PCDHGB3: variants seen among roughly 807,000 people sequenced by gnomAD.
The protein encoded by PCDHGB3 is protocadherin gamma subfamily B, 3.
PCDHGB3 carries 40 observed loss-of-function variants against 59.2 expected under a neutral mutation model. That is an observed-to-expected ratio of 0.68 (90% CI 0.52 to 0.88). The LOEUF is 0.88. Among genes scored for constraint, PCDHGB3 ranks in the 40% least tolerant of loss-of-function variants. The pLI, the probability that PCDHGB3 is intolerant of heterozygous loss-of-function variation, is 0.00. For missense variants in PCDHGB3, 1,309 were observed against 1,187.9 expected (o/e 1.10, Z -1.50); for synonymous variants, 581 against 503.6 (o/e 1.15, Z -2.06).
chr5:141,435,838 C>T (rs1037110579), intron 1 of PCDHGB3, among the ~76,000 whole-genome samples: 1 of 152,062 alleles, frequency 6.6e-6, no homozygotes, highest in Non-Finnish European at 1.5e-5. Context: ...TGCCTATCTA[C>T]TTTGAAAGAT....
At chr5:141,382,916 G>A (rs1778572994) in intron 1 of PCDHGB3, 12 of 1,554,424 alleles carry the variant, frequency 7.7e-6, no homozygotes, top group Non-Finnish European at 9.6e-6. Flanking sequence ...GCTCAGCCGA[G>A]GGGCGGGGAC....
rs2099419063 is a variant in PCDHGB3 at position 141,477,824 on chromosome 5, C to G, written c.2416-16983C>G. On this transcript the variant is annotated intron_variant, in intron 1 of 3. Coordinates refer to ENST00000576222, the MANE Select transcript of PCDHGB3 (RefSeq NM_018924.5). This position sits in a 1 kb window ranked among gnomAD's most constrained non-coding sequence, Gnocchi z 4.9. ...TGACAATGCCCCCCAGGTCCTATAT[C>G]CTCGGCCAGGTGGGAGCTCGGTGGA... is the stretch of plus-strand genomic sequence containing the variant. 5.6e-6 allele frequency: 9 copies of G among 1,614,196 alleles called. No individual in the cohort carries two copies. The highest frequency in any genetic ancestry group is 5.9e-6 in the Non-Finnish European group (7 of 1,180,034).
Position 141,404,574 on chromosome 5 carries a change from C to G in PCDHGB3, c.2415+31765C>G, listed in dbSNP as rs185791741. 3 of 1,613,908 alleles carry G rather than the reference C, an allele frequency of 1.9e-6. No individual in the cohort carries two copies. The East Asian group carries it at 6.7e-5, about 36-fold the overall frequency. The stretch of plus-strand genomic sequence containing the variant: ...ACGGCAAGTGACAGTGGAAGCCCAC[C>G]ACTTAGCAGCAATGTGTCATTGAGA... On this transcript the variant is annotated intron_variant, in intron 1 of 3. Coordinates refer to ENST00000576222, the MANE Select transcript of PCDHGB3 (RefSeq NM_018924.5).
At chr5:141,375,427 C>T in intron 1 of PCDHGB3, 2 of 1,613,978 alleles carry the variant, frequency 1.2e-6, no homozygotes, top group Non-Finnish European at 1.7e-6. Flanking sequence ...CCAACGACAA[C>T]CCGCCCACCT....
Position 141,431,740 on chromosome 5 carries a change from T to C in PCDHGB3, c.2415+58931T>C. 6.2e-7 allele frequency: 1 copy of C among 1,614,230 alleles called. No individual in the cohort carries two copies. Among genetic ancestry groups the C allele is most frequent in the South Asian group, 1.1e-5 (1 of 91,088 alleles). On this transcript the variant is annotated intron_variant, in intron 1 of 3. Transcript: ENST00000576222. This position sits in a 1 kb window ranked among gnomAD's most constrained non-coding sequence, Gnocchi z 4.8. ...TGCAAGCAATGGATAATGCAGGATA[T>C]TCTGCGCGAGCCAAAGTCCTGATCA... is the stretch of plus-strand genomic sequence containing the variant.
intron 2 of PCDHGB3, among the ~76,000 whole-genome samples, chr5:141,500,329 C>G (rs1384834356): frequency 6.6e-6 from 1 of 151,986 alleles, no homozygotes; most frequent in Non-Finnish European, 1.5e-5. Flanking sequence ...CTGCCTCAGC[C>G]TCCAGAATAG....
chr5:141,375,671 C>T (rs781705381), intron 1 of PCDHGB3: 14 of 1,614,148 alleles, frequency 8.7e-6, no homozygotes, highest in South Asian at 7.7e-5. Context: ...AGACCTACAG[C>T]TGTGGGTGAC....
rs1042973261 is a variant in PCDHGB3 at position 141,491,547 on chromosome 5, G to T, written c.2416-3260G>T. ...AGGTGACGCTGCGGCCCACAGACTC[G>T]CAGAGCCACTGCTACAGGACGTGCT... On this transcript the variant is annotated intron_variant, in intron 1 of 3. Transcript: ENST00000576222. The surrounding 1 kb of genome is among the most constrained non-coding windows in gnomAD (Gnocchi z 6.9). 6.8e-6 allele frequency: 11 copies of T among 1,613,856 alleles called. No homozygotes were observed. Among genetic ancestry groups the T allele is most frequent in the Middle Eastern group, 1.6e-4 (1 of 6,084 alleles).
intron 1 of PCDHGB3, chr5:141,374,969 G>A (rs200408172): frequency 1.2e-5 from 20 of 1,613,904 alleles, no homozygotes; most frequent in Middle Eastern, 1.6e-4. Flanking sequence ...CTGTTTGAAT[G>A]TTTTGACTGG....
At chr5:141,375,926 G>T (rs1450226627) in intron 1 of PCDHGB3, 1 of 1,613,758 alleles carries the variant, frequency 6.2e-7, no homozygotes, top group South Asian at 1.1e-5. Flanking sequence ...CAGCGAGCCA[G>T]GACTTTTCTC....
rs1041367498 is a variant in PCDHGB3 at position 141,489,060 on chromosome 5, T to G, written c.2416-5747T>G. ...CAGCTCCACTCAAATTCAGCTCCCCTCCCCCCTGCCCACCCCCGCCACTCG... is the reference window on the plus strand; with the variant it reads ...CAGCTCCACTCAAATTCAGCTCCCCGCCCCCCTGCCCACCCCCGCCACTCG... On this transcript the variant is annotated intron_variant, in intron 1 of 3. Transcript: ENST00000576222. This position sits in a 1 kb window ranked among gnomAD's most constrained non-coding sequence, Gnocchi z 4.5. The G allele has an allele frequency of 1.7e-5, 5 of 300,224 alleles. No individual in the cohort carries two copies. The highest frequency in any genetic ancestry group is 2.4e-5 in the African/African-American group (1 of 42,484). The allele number at this position is 300,224 out of a possible 1,614,324, so 18.6% of individuals were successfully genotyped here.
chr5:141,371,123 TC>T lies in PCDHGB3; in HGVS notation c.730del (p.Gln244ArgfsTer19). The T allele has an allele frequency of 6.2e-7, 1 of 1,613,954 alleles. No homozygotes were observed. Among genetic ancestry groups the T allele is most frequent in the Non-Finnish European group, 8.5e-7 (1 of 1,179,884 alleles). On this transcript the variant is annotated frameshift_variant, in exon 1 of 4. Transcript: ENST00000576222. LOFTEE classifies it high-confidence loss of function. ...DANDNPPVFTQDMYRVNVAEN... is the reference protein window; with the variant it reads ...DANDNPPVFTXDMYRVNVAEN... ...CAAATGATAACCCCCCAGTATTTACTCAGGACATGTACAGGGTCAATGTTGC... is the reference window on the plus strand; with the variant it reads ...CAAATGATAACCCCCCAGTATTTACTAGGACATGTACAGGGTCAATGTTGC...
At chr5:141,459,287 G>A (rs1362981410) in intron 1 of PCDHGB3, among the ~76,000 whole-genome samples, 1 of 152,136 alleles carries the variant, frequency 6.6e-6, no homozygotes, top group African/African-American at 2.4e-5. Context: ...TCATCTAAAT[G>A]GAATCCTATA....
intron 1 of PCDHGB3, chr5:141,391,580 C>A (rs1392857666): frequency 3.3e-5 from 5 of 152,116 alleles, no homozygotes; most frequent in South Asian, 2.1e-4. Flanking sequence ...AATATATTCA[C>A]AGGAAAATAT....
chr5:141,432,031 C>T lies in PCDHGB3; in HGVS notation c.2415+59222C>T. The T allele has an allele frequency of 6.2e-7, 1 of 1,614,220 alleles. No individual in the cohort carries two copies. Among genetic ancestry groups the T allele is most frequent in the Non-Finnish European group, 8.5e-7 (1 of 1,180,048 alleles). ...CTAGCTACAACATCACAGTGACCGC[C>T]ACTGACCGGGGAACCCCGCCCCTAT... On this transcript the variant is annotated intron_variant, in intron 1 of 3. Coordinates refer to ENST00000576222, the MANE Select transcript of PCDHGB3 (RefSeq NM_018924.5). This position sits in a 1 kb window ranked among gnomAD's most constrained non-coding sequence, Gnocchi z 6.0.
At chr5:141,413,724 C>T (rs751084568) in intron 1 of PCDHGB3, 2 of 1,613,426 alleles carry the variant, frequency 1.2e-6, no homozygotes, top group East Asian at 2.2e-5. Context: ...AGCACTTCTC[C>T]CTAAGAGTTC....
intron 1 of PCDHGB3, chr5:141,419,170 C>G: frequency 6.2e-7 from 1 of 1,613,966 alleles, no homozygotes; most frequent in South Asian, 1.1e-5. Flanking sequence ...CCAGCAAAAC[C>G]ATAACCCTGC....
intron 1 of PCDHGB3, chr5:141,423,720 A>T: frequency 3.1e-6 from 3 of 957,770 alleles, no homozygotes; most frequent in Admixed American, 5.5e-5. Context: ...TTTTAAGGAG[A>T]TGTTTTTTGA....
chr5:141,376,210 C>T lies in PCDHGB3; in HGVS notation c.2415+3401C>T, dbSNP rs112869528. On this transcript the variant is annotated intron_variant, in intron 1 of 3. Transcript: ENST00000576222. ...CCTGCGTCTTCCTGGCCTTCGTCAT[C>T]GTGCTGCTGGCGCTCAGACTGCAGC... is the stretch of plus-strand genomic sequence containing the variant. 4,829 of 1,614,162 alleles carry T rather than the reference C, an allele frequency of 3.0e-3. 128 individuals carry two copies. The African/African-American group carries it at 0.055, about 18-fold the overall frequency.
Sources: allele counts gnomAD v4.1 joint callset (sites outside exome capture counted in the v4.1 genomes callset), GRCh38; gene constraint gnomAD v4.1.1; non-coding constraint Gnocchi (gnomAD v3.1); transcripts MANE v1.5; gene names NCBI Gene and HGNC (gene_info 2026-07-23, HGNC 2026-07-21).